RPF2: variants seen among roughly 807,000 people sequenced by gnomAD.
RPF2 encodes ribosome production factor 2 homolog, also known as brix domain containing 1.
A neutral mutation model predicts 38.9 loss-of-function variants in RPF2; 21 were observed. The observed-to-expected ratio is 0.54, with a 90% CI of 0.38 to 0.78. The LOEUF (loss-of-function observed/expected upper bound fraction) is 0.78. RPF2 is among the 30% of genes least tolerant of loss of function. The probability of loss-of-function intolerance (pLI) is 0.00; values close to 1 mark genes in which losing one functional copy is unlikely to be tolerated. For synonymous variants in RPF2, 121 were observed against 126.2 expected (o/e 0.96, Z 0.28); for missense variants, 314 against 358.1 (o/e 0.88, Z 0.99).
chr6:110,996,820 T>A (rs908037687), intron 4 of RPF2, among the ~76,000 whole-genome samples: 4 of 152,146 alleles, frequency 2.6e-5, no homozygotes, highest in African/African-American at 9.7e-5. Flanking sequence ...TTGTTTTTTT[T>A]AGACAGAGTC....
At chr6:110,983,625 T>C (rs1427174219) in intron 1 of RPF2, among the ~76,000 whole-genome samples, 1 of 152,206 alleles carries the variant, frequency 6.6e-6, no homozygotes, top group African/African-American at 2.4e-5. Flanking sequence ...TTACAGGCTG[T>C]GGGCCACCTC....
intron 4 of RPF2, among the ~76,000 whole-genome samples, chr6:110,996,328 A>G (rs570896657): frequency 1.3e-5 from 2 of 151,858 alleles, no homozygotes; most frequent in Admixed American, 6.6e-5. Flanking sequence ...ACAGGCATGC[A>G]CTACCATGCC....
chr6:111,010,780 A>C (rs9386984), intron 7 of RPF2, among the ~76,000 whole-genome samples: 19,638 of 152,180 alleles, frequency 0.13, 1,753 homozygotes, highest in East Asian at 0.5. Context: ...CACCAAAAAA[A>C]CTGTGACAAA....
intron 2 of RPF2, among the ~76,000 whole-genome samples, chr6:110,985,510 G>A (rs1201226835): frequency 6.6e-6 from 1 of 152,108 alleles, no homozygotes; most frequent in African/African-American, 2.4e-5. Context: ...CAACAACACC[G>A]GTTACTGTGC....
Position 110,999,570 on chromosome 6 carries a change from A to G in RPF2, c.317-141A>G, listed in dbSNP as rs1021274055. 5.7e-5 allele frequency: 30 copies of G among 525,308 alleles called. No individual in the cohort carries two copies. In the East Asian group the frequency reaches 7.4e-4, roughly 13 times the overall value. The allele number at this position is 525,308 out of a possible 1,614,324, so 32.5% of individuals were successfully genotyped here. A position where few individuals can be genotyped will look rare whatever the true frequency, so the allele number is the denominator to read the frequency against. On this transcript the variant is annotated intron_variant, in intron 5 of 9. Coordinates refer to ENST00000441448, the MANE Select transcript of RPF2 (RefSeq NM_032194.3). ...AATCAATAAGTAGAGTTGAAAATGT[A>G]AGAAAGTGGGATATGTTTGCGGGGG...
chr6:110,988,238 T>C (rs2114292271), intron 2 of RPF2, among the ~76,000 whole-genome samples: 1 of 152,152 alleles, frequency 6.6e-6, no homozygotes, highest in East Asian at 1.9e-4. Context: ...AATGATTATT[T>C]GTGGATAGGT....
In RPF2 at chr6:111,008,916, T is replaced by A. The variant is rs867928561; in HGVS notation, c.493+779T>A. The stretch of plus-strand genomic sequence containing the variant: ...CTGGCTCCTTTTTTTTTTTTTTTTT[T>A]AAAGATAGAGTCTTGCTCTGTTGCC... On this transcript the variant is annotated intron_variant, in intron 7 of 9. Transcript: ENST00000441448. 2.1e-5 allele frequency among the ~76,000 whole-genome samples: 3 copies of A among 142,158 alleles called. 1 individual carries two copies. The highest frequency in any genetic ancestry group is 3.5e-3 in the Middle Eastern group (1 of 282). The allele number at this position is 142,158 out of a possible 152,430, so 93.3% of individuals were successfully genotyped here. A position where few individuals can be genotyped will look rare whatever the true frequency, so the allele number is the denominator to read the frequency against.
chr6:110,989,052 G>A lies in RPF2; in HGVS notation c.181G>A (p.Val61Ile), dbSNP rs1286377456. The change falls in exon 3 of 10, where the codon GTA becomes ATA. Residue 61 changes from valine to isoleucine, a missense_variant. By Grantham distance (29) the Val-to-Ile change is conservative. Transcript: ENST00000441448. ...DVYALKKPYGVLYKKKNITRP... is the reference protein window; with the variant it reads ...DVYALKKPYGILYKKKNITRP... The stretch of plus-strand genomic sequence containing the variant: ...GTATGCACTGAAAAAACCATACGGT[G>A]TACTATATAAAAAGTAAGTCATGAT... The A allele has an allele frequency of 6.3e-7, 1 of 1,578,798 alleles. No individual in the cohort carries two copies. Among genetic ancestry groups the A allele is most frequent in the Admixed American group, 1.9e-5 (1 of 52,898 alleles).
chr6:111,022,772 T>C (rs1342471012), intron 8 of RPF2, among the ~76,000 whole-genome samples: 3 of 152,240 alleles, frequency 2.0e-5, no homozygotes, highest in Non-Finnish European at 4.4e-5. Flanking sequence ...CTTGGGTGAT[T>C]TGAATCTATC....
intron 2 of RPF2, among the ~76,000 whole-genome samples, chr6:110,985,880 G>C (rs996434040): frequency 2.1e-5 from 3 of 142,466 alleles, no homozygotes; most frequent in Non-Finnish European, 4.5e-5. Context: ...GGAGGTCACA[G>C]TCAGTCGAGA....
intron 5 of RPF2, among the ~76,000 whole-genome samples, chr6:110,997,853 G>A (rs749859707): frequency 3.4e-4 from 51 of 151,662 alleles, no homozygotes; most frequent in Non-Finnish European, 6.5e-4. Context: ...GTGTTGGTAT[G>A]CTTCAGGGGG....
intron 4 of RPF2, 37 bp downstream of exon 4, chr6:110,991,823 T>A: frequency 1.2e-6 from 1 of 861,942 alleles, no homozygotes; most frequent in Non-Finnish European, 1.8e-6. Flanking sequence ...AGAAAGCATA[T>A]AAGTAGTAAT....
intron 8 of RPF2, among the ~76,000 whole-genome samples, chr6:111,021,195 A>C (rs1292509631): frequency 6.6e-6 from 1 of 151,984 alleles, no homozygotes; most frequent in Non-Finnish European, 1.5e-5. Flanking sequence ...AACAAAAATA[A>C]AAAACTAGCA....
In RPF2 at chr6:110,982,105, C is replaced by G. The variant is rs757498516; in HGVS notation, c.-2C>G. 6.2e-7 allele frequency: 1 copy of G among 1,614,202 alleles called. No homozygotes were observed. The highest frequency in any genetic ancestry group is 8.5e-7 in the Non-Finnish European group (1 of 1,180,016). On this transcript the variant is annotated 5_prime_UTR_variant, in exon 1 of 10. Transcript: ENST00000441448. ...GGTTAAGAGTTGCAGGTAGCGGTAG[C>G]GATGGACACTCTGGATCGAGTAGTG...
intron 2 of RPF2, 125 bp downstream of exon 2, chr6:110,985,263 A>G (rs1241293385): frequency 1.8e-5 from 14 of 760,012 alleles, no homozygotes; most frequent in Admixed American, 2.8e-5. Flanking sequence ...CTAGTCTTAG[A>G]GAAGAGCTAA....
At chr6:110,986,162 G>A (rs1295370432) in intron 2 of RPF2, among the ~76,000 whole-genome samples, 1 of 152,190 alleles carries the variant, frequency 6.6e-6, no homozygotes, top group Non-Finnish European at 1.5e-5. Context: ...GAGTGGGCTA[G>A]ATGAGGCTAG....
intron 4 of RPF2, among the ~76,000 whole-genome samples, chr6:110,995,941 C>T (rs1771704064): frequency 6.6e-6 from 1 of 151,752 alleles, no homozygotes; most frequent in Non-Finnish European, 1.5e-5. Context: ...CTCAGCCTCC[C>T]AAGTAGGTGG....
rs1298032574 is a variant in RPF2 at position 110,997,345 on chromosome 6, A to G, written c.316+81A>G. ...AGCGAATTCATACGGGTCTGCAGCA[A>G]CTTGGTTCTTGCCTCTTCAGAGGAA... is the stretch of plus-strand genomic sequence containing the variant. On this transcript the variant is annotated intron_variant, in intron 5 of 9. Transcript: ENST00000441448. The G allele has an allele frequency of 2.5e-5, 20 of 806,280 alleles. No homozygotes were observed. The East Asian group carries it at 3.5e-4, about 14-fold the overall frequency. The allele number at this position is 806,280 out of a possible 1,614,324, so 49.9% of individuals were successfully genotyped here.
chr6:111,008,166 G>C, intron 7 of RPF2, 29 bp downstream of exon 7: 5 of 1,574,894 alleles, frequency 3.2e-6, no homozygotes, highest in Non-Finnish European at 4.3e-6. Context: ...ATTATCTTCA[G>C]GGTAGCTCAG....
Sources: gnomAD v4.1 joint callset for allele counts (sites outside exome capture counted in the v4.1 genomes callset) on GRCh38, gnomAD v4.1.1 for gene constraint, MANE v1.5 for transcripts, NCBI Gene and HGNC (gene_info 2026-07-23, HGNC 2026-07-21) for gene names.